The following SYT2 variants were observed in gnomAD, a reference collection of about 807,000 sequenced individuals.
SYT2 encodes synaptotagmin 2, also known as synaptotagmin-2.
A neutral mutation model predicts 39.9 loss-of-function variants in SYT2; 15 were observed. The ratio of observed to expected loss-of-function variants is 0.38; its 90% CI spans 0.25 to 0.58. The LOEUF (loss-of-function observed/expected upper bound fraction) is 0.58, where lower values mean the gene tolerates loss of function less well. Ranked by LOEUF, SYT2 falls within the 20% of genes least tolerant of loss-of-function variation. The pLI, the probability that SYT2 is intolerant of heterozygous loss-of-function variation, is 0.70. For missense variants in SYT2, 389 were observed against 530.3 expected (o/e 0.73, Z 2.62); for synonymous variants, 181 against 204.5 (o/e 0.89, Z 0.98).
In SYT2 at chr1:202,632,476, G is replaced by C. The variant is rs997481342; in HGVS notation, c.-17-26687C>G. The C allele has an allele frequency of 8.4e-6, 7 of 836,442 alleles. No homozygotes were observed. In the African/African-American group the frequency reaches 1.3e-4, roughly 15 times the overall value. The allele number at this position is 836,442 out of a possible 1,614,324, so 51.8% of individuals were successfully genotyped here. On this transcript the variant is annotated intron_variant, in intron 1 of 8. Transcript: ENST00000367268. ...CTGGGAGAAACTGACTCTATAACCA[G>C]TGGAAGAAAGGCTGCGTAGCCATCG...
At chr1:202,678,540 C>G (rs553202908) in intron 1 of SYT2, among the ~76,000 whole-genome samples, 2 of 152,070 alleles carry the variant, frequency 1.3e-5, no homozygotes, top group Non-Finnish European at 2.9e-5. Flanking sequence ...TGTTTTCATA[C>G]GGCTCCCTTA....
chr1:202,637,281 A>AG (rs143316689), intron 1 of SYT2, among the ~76,000 whole-genome samples: 13,015 of 152,222 alleles, frequency 0.086, 793 homozygotes, highest in Admixed American at 0.19. Flanking sequence ...AGCCTCGGGA[A>AG]GTTGAGGCTG....
At chr1:202,613,051 G>A (rs748562431) in intron 1 of SYT2, among the ~76,000 whole-genome samples, 74 of 144,232 alleles carry the variant, frequency 5.1e-4, no homozygotes, top group Non-Finnish European at 9.3e-4. Flanking sequence ...CCACATTGCC[G>A]AACTCATTGG....
rs1052235289 is a variant in SYT2 at position 202,599,938 on chromosome 1, G to A, written c.919+419C>T. On this transcript the variant is annotated intron_variant, in intron 7 of 8. Transcript: ENST00000367268. This position sits in a 1 kb window ranked among gnomAD's most constrained non-coding sequence, Gnocchi z 4.4. ...CTGCCAGGTAAATGTGATATTCAGA[G>A]CATCTTCCACTCCCTTGCCTCACCC... is the stretch of plus-strand genomic sequence containing the variant. 6.6e-6 allele frequency among the ~76,000 whole-genome samples: 1 copy of A among 152,174 alleles called. No individual in the cohort carries two copies. Among genetic ancestry groups the A allele is most frequent in the African/African-American group, 2.4e-5 (1 of 41,422 alleles).
chr1:202,611,447 G>A (rs1260157255), intron 1 of SYT2, among the ~76,000 whole-genome samples: 1 of 152,144 alleles, frequency 6.6e-6, no homozygotes, highest in Non-Finnish European at 1.5e-5. Flanking sequence ...CACCTCCCAG[G>A]TTCAAGTGAT....
chr1:202,611,878 TCTCA>T (rs1410961760), intron 1 of SYT2, among the ~76,000 whole-genome samples: 1 of 152,120 alleles, frequency 6.6e-6, no homozygotes, highest in Non-Finnish European at 1.5e-5. Context: ...TAAGACAGGG[TCTCA>T]CTCTGTTACC....
intron 1 of SYT2, among the ~76,000 whole-genome samples, chr1:202,686,919 C>T (rs1653683363): frequency 6.6e-6 from 1 of 152,068 alleles, no homozygotes; most frequent in South Asian, 2.1e-4. Flanking sequence ...TTTCTTCAAG[C>T]ACCAACTCAA....
intron 1 of SYT2, among the ~76,000 whole-genome samples, chr1:202,670,290 G>A (rs1204812289): frequency 6.6e-6 from 1 of 152,198 alleles, no homozygotes; most frequent in Non-Finnish European, 1.5e-5. Flanking sequence ...TGAAGCTGAG[G>A]AACCTAGGCC....
At chr1:202,624,715 GGTAT>G (rs1439738662) in intron 1 of SYT2, among the ~76,000 whole-genome samples, 1 of 136,294 alleles carries the variant, frequency 7.3e-6, no homozygotes, top group Non-Finnish European at 1.6e-5. Flanking sequence ...GTGTGTGTGT[GGTAT>G]GTAGTAGGGT....
intron 1 of SYT2, among the ~76,000 whole-genome samples, chr1:202,664,198 C>T (rs143037954): frequency 9.2e-5 from 14 of 152,176 alleles, no homozygotes; most frequent in Middle Eastern, 3.4e-3. Context: ...GATTTCAAGA[C>T]CCTCTTTCTA....
At chr1:202,617,586 C>T (rs1009395161) in intron 1 of SYT2, among the ~76,000 whole-genome samples, 4 of 152,146 alleles carry the variant, frequency 2.6e-5, no homozygotes, top group Admixed American at 2.6e-4. Flanking sequence ...TATAGCAGTG[C>T]AAGATCAGAC....
At chr1:202,675,408 T>C (rs1653340919) in intron 1 of SYT2, among the ~76,000 whole-genome samples, 1 of 149,482 alleles carries the variant, frequency 6.7e-6, no homozygotes, top group African/African-American at 2.4e-5. Flanking sequence ...ATATACACAA[T>C]TGAAAATTAT....
Position 202,623,086 on chromosome 1 carries a change from G to A in SYT2, c.-17-17297C>T, listed in dbSNP as rs913822054. Among the ~76,000 whole-genome samples, 2 of 152,190 alleles carry A rather than the reference G, an allele frequency of 1.3e-5. No individual in the cohort carries two copies. The highest frequency in any genetic ancestry group is 4.8e-5 in the African/African-American group (2 of 41,444). On this transcript the variant is annotated intron_variant, in intron 1 of 8. Coordinates refer to ENST00000367268, the MANE Select transcript of SYT2 (RefSeq NM_177402.5). The surrounding 1 kb of genome is among the most constrained non-coding windows in gnomAD (Gnocchi z 4.2). Reference sequence around the variant, plus strand: ...GATCCTTGGCTAACTCTTGTAGGGTGCAGGGATAGTAGCAGTGGTGAGGGG... The same window carrying A: ...GATCCTTGGCTAACTCTTGTAGGGTACAGGGATAGTAGCAGTGGTGAGGGG...
At chr1:202,691,478 G>A (rs146687672) in intron 1 of SYT2, among the ~76,000 whole-genome samples, 197 of 151,848 alleles carry the variant, frequency 1.3e-3, no homozygotes, top group African/African-American at 4.5e-3. Flanking sequence ...GTGAGAGCCC[G>A]TCTCTATAAA....
chr1:202,680,671 C>G (rs967656097), intron 1 of SYT2, among the ~76,000 whole-genome samples: 1 of 152,124 alleles, frequency 6.6e-6, no homozygotes, highest in Non-Finnish European at 1.5e-5. Flanking sequence ...GGCATTATTC[C>G]CACTCATTCC....
chr1:202,632,519 C>T (rs148401990), intron 1 of SYT2: 77 of 984,044 alleles, frequency 7.8e-5, no homozygotes, highest in Non-Finnish European at 9.2e-5. Flanking sequence ...TCTAGGTAAG[C>T]TTGGCGCACA....
At chr1:202,678,160 G>T (rs1208924582) in intron 1 of SYT2, among the ~76,000 whole-genome samples, 2 of 151,142 alleles carry the variant, frequency 1.3e-5, no homozygotes, top group African/African-American at 4.9e-5. Context: ...TGTGATCCCA[G>T]CTACTTGGGA....
rs1204564165 is a variant in SYT2 at position 202,640,780 on chromosome 1, GAGAGAGAGAGAGACAGAC to G, written c.-17-35009_-17-34992del. Among the ~76,000 whole-genome samples, 1,037 of 134,946 alleles carry G rather than the reference GAGAGAGAGAGAGACAGAC, an allele frequency of 7.7e-3. 23 individuals are homozygous for G. The highest frequency in any genetic ancestry group is 0.021 in the African/African-American group (693 of 32,384). 88.5% of individuals were successfully genotyped at this position (134,946 alleles called of 152,430 possible). ...AGAGAGAGAGAGAGAGAGAGAGAGA[GAGAGAGAGAGAGACAGAC>G]AGACAGAGAGACAGAGAGACAGTGA... On this transcript the variant is annotated intron_variant, in intron 1 of 8. Coordinates refer to ENST00000367268, the MANE Select transcript of SYT2 (RefSeq NM_177402.5).
intron 1 of SYT2, among the ~76,000 whole-genome samples, chr1:202,621,578 G>T (rs1691203414): frequency 6.6e-6 from 1 of 152,188 alleles, no homozygotes; most frequent in Non-Finnish European, 1.5e-5. Flanking sequence ...ACCTCCCAAA[G>T]TGCTGGGATT....
Sources: gnomAD v4.1 joint callset for allele counts (sites outside exome capture counted in the v4.1 genomes callset) on GRCh38, gnomAD v4.1.1 for gene constraint, Gnocchi (gnomAD v3.1) non-coding constraint, MANE v1.5 for transcripts, NCBI Gene and HGNC (gene_info 2026-07-23, HGNC 2026-07-21) for gene names.